TGFB2: variants seen among roughly 807,000 people sequenced by gnomAD.
TGFB2 encodes the protein transforming growth factor beta 2, also known as transforming growth factor beta-2 proprotein.
TGFB2 carries 13 observed loss-of-function variants against 42.7 expected under a neutral mutation model. The observed-to-expected ratio is 0.30, with a 90% CI of 0.20 to 0.48. TGFB2 has a LOEUF of 0.48. Among genes scored for constraint, TGFB2 ranks in the 20% least tolerant of loss-of-function variants. The pLI is 0.99. For synonymous variants in TGFB2, 193 were observed against 193.6 expected, an observed-to-expected ratio of 1.00 and a Z score of 0.03; for missense variants, 390 against 517.5, an observed-to-expected ratio of 0.75 and a Z score of 2.39.
At chr1:218,373,889 C>T (rs959451771) in intron 1 of TGFB2, among the ~76,000 whole-genome samples, 4 of 152,092 alleles carry the variant, frequency 2.6e-5, no homozygotes, top group Non-Finnish European at 5.9e-5. Context: ...TCCTAAGAAC[C>T]TGTGAAAGTT....
chr1:218,437,847 A>G (rs1187431597), intron 6 of TGFB2, among the ~76,000 whole-genome samples: 1 of 152,126 alleles, frequency 6.6e-6, no homozygotes, highest in Non-Finnish European at 1.5e-5. Context: ...TTCAAAAACA[A>G]TTTTTATTGA....
intron 1 of TGFB2, among the ~76,000 whole-genome samples, chr1:218,393,370 A>T (rs1034045169): frequency 1.3e-5 from 2 of 152,162 alleles, no homozygotes; most frequent in African/African-American, 4.8e-5. Context: ...TGTAAAAGAG[A>T]TCAAAATAAA....
At chr1:218,430,077 G>A (rs1237977937) in intron 2 of TGFB2, among the ~76,000 whole-genome samples, 3 of 152,024 alleles carry the variant, frequency 2.0e-5, no homozygotes, top group Non-Finnish European at 4.4e-5. Context: ...CCAGTTAAGA[G>A]AGCTTCTACT....
intron 1 of TGFB2, among the ~76,000 whole-genome samples, chr1:218,388,167 T>C (rs533680628): frequency 6.6e-6 from 1 of 152,146 alleles, no homozygotes; most frequent in South Asian, 2.1e-4. Context: ...CTTCTGACAA[T>C]AAAAAAGGGG....
chr1:218,393,367 G>C (rs1272394181), intron 1 of TGFB2, among the ~76,000 whole-genome samples: 2 of 152,178 alleles, frequency 1.3e-5, no homozygotes, highest in Non-Finnish European at 2.9e-5. Context: ...ATCTGTAAAA[G>C]AGATCAAAAT....
intron 1 of TGFB2, among the ~76,000 whole-genome samples, chr1:218,381,229 G>A (rs1657947143): frequency 6.6e-6 from 1 of 151,198 alleles, no homozygotes; most frequent in Non-Finnish European, 1.5e-5. Context: ...TAAGATATTT[G>A]CCAAAGGCAC....
chr1:218,355,468 A>G (rs1657002689), intron 1 of TGFB2, among the ~76,000 whole-genome samples: 1 of 152,344 alleles, frequency 6.6e-6, no homozygotes, highest in South Asian at 2.1e-4. Context: ...CAGTTGTTAA[A>G]GAGTGGTCCT....
chr1:218,406,237 G>A (rs1658907180), intron 2 of TGFB2, among the ~76,000 whole-genome samples: 1 of 151,590 alleles, frequency 6.6e-6, no homozygotes, highest in Admixed American at 6.6e-5. Flanking sequence ...TATTTGGACA[G>A]CCCTGATGTC....
chr1:218,365,102 C>T (rs1287946627), intron 1 of TGFB2, among the ~76,000 whole-genome samples: 1 of 152,102 alleles, frequency 6.6e-6, no homozygotes, highest in African/African-American at 2.4e-5. Flanking sequence ...ATGACGATCC[C>T]CATTTTTTAG....
At position 218,444,617 on chromosome 1, in the gene TGFB2, C is replaced by T. The variant is rs999385689; in HGVS notation, c.*3255C>T. ...ATTAATAAAAAAAGTAATTGTGACT[C>T]AATCTGGTTGTCTTGCTTTGTCTAG... On this transcript the variant is annotated 3_prime_UTR_variant, in exon 7 of 7. Transcript: ENST00000366930. 2.6e-5 allele frequency: 4 copies of T among 152,200 alleles called. No homozygotes were observed. Among genetic ancestry groups the T allele is most frequent in the South Asian group, 2.1e-4 (1 of 4,834 alleles). The allele number at this position is 152,200 out of a possible 1,614,324, so 9.4% of individuals were successfully genotyped here. A position where few individuals can be genotyped will look rare whatever the true frequency, so the allele number is the denominator to read the frequency against.
intron 2 of TGFB2, among the ~76,000 whole-genome samples, chr1:218,416,925 GC>G (rs1441644317): frequency 6.6e-6 from 1 of 152,224 alleles, no homozygotes; most frequent in Admixed American, 6.5e-5. Context: ...TGTGAGATGT[GC>G]CTTTCACCTT....
intron 2 of TGFB2, among the ~76,000 whole-genome samples, chr1:218,415,505 G>C (rs1659245271): frequency 6.6e-6 from 1 of 151,848 alleles, no homozygotes; most frequent in African/African-American, 2.4e-5. Context: ...GACCAGCCTG[G>C]CTAACATGGT....
intron 1 of TGFB2, among the ~76,000 whole-genome samples, chr1:218,387,310 C>G (rs1281300846): frequency 6.6e-6 from 1 of 151,924 alleles, no homozygotes; most frequent in Non-Finnish European, 1.5e-5. Flanking sequence ...TCAGAAGGTA[C>G]AAAAATTGAC....
intron 1 of TGFB2, among the ~76,000 whole-genome samples, chr1:218,375,407 C>CT (rs549035841): frequency 0.38 from 53,859 of 140,102 alleles, 10,981 homozygotes; most frequent in African/African-American, 0.55. Context: ...CCTTTCTGAA[C>CT]TTTTTTTTTT....
chr1:218,375,674 C>T (rs1471777574), intron 1 of TGFB2, among the ~76,000 whole-genome samples: 16 of 151,968 alleles, frequency 1.1e-4, no homozygotes, highest in Non-Finnish European at 1.9e-4. Flanking sequence ...TTGAGAACAG[C>T]GAGTGCTTTT....
intron 2 of TGFB2, 76 bp downstream of exon 2, chr1:218,405,408 A>G (rs988484635): frequency 1.3e-6 from 2 of 1,599,016 alleles, no homozygotes; most frequent in Non-Finnish European, 1.7e-6. Context: ...TCTCTGTCAC[A>G]GGCTAGAGTA....
chr1:218,368,272 G>A (rs890070469), intron 1 of TGFB2, among the ~76,000 whole-genome samples: 2 of 152,106 alleles, frequency 1.3e-5, no homozygotes, highest in East Asian at 1.9e-4. Context: ...AATCTCCCGA[G>A]TAGCTGGGAT....
intron 1 of TGFB2, among the ~76,000 whole-genome samples, chr1:218,377,821 G>A (rs1025093349): frequency 1.3e-5 from 2 of 152,080 alleles, no homozygotes; most frequent in African/African-American, 2.4e-5. Context: ...ACCTTACTGA[G>A]AAAAAAGTCT....
At chr1:218,358,715 A>T (rs1450665185) in intron 1 of TGFB2, among the ~76,000 whole-genome samples, 1 of 151,458 alleles carries the variant, frequency 6.6e-6, no homozygotes, top group Non-Finnish European at 1.5e-5. Flanking sequence ...TGCCCAGCTA[A>T]TTTTTTTTAG....
Sources: gnomAD v4.1 joint callset for allele counts (sites outside exome capture counted in the v4.1 genomes callset) on GRCh38, gnomAD v4.1.1 for gene constraint, MANE v1.5 for transcripts, NCBI Gene and HGNC (gene_info 2026-07-23, HGNC 2026-07-21) for gene names.